The following CSMD1 variants were observed in gnomAD, a reference collection of about 807,000 sequenced individuals.
CSMD1 encodes the protein CUB and sushi domain-containing protein 1.
In CSMD1, 213 loss-of-function variants were observed where a neutral mutation model predicts 417.5. The observed-to-expected ratio is 0.51, with a 90% CI of 0.46 to 0.57. The LOEUF is 0.57. Among genes scored for constraint, CSMD1 ranks in the 20% least tolerant of loss-of-function variants. CSMD1 has a pLI of 0.00. For missense variants in CSMD1, 6,923 were observed against 4,529.7 expected (o/e 1.53, Z -15.17); for synonymous variants, 2,862 against 1,736.8 (o/e 1.65, Z -16.11).
intron 3 of CSMD1, among the ~76,000 whole-genome samples, chr8:4,149,510 A>C (rs892412338): frequency 2.6e-5 from 4 of 152,208 alleles, no homozygotes; most frequent in African/African-American, 9.6e-5. Context: ...GACTGTAAAT[A>C]CTCAGGGAAC....
intron 1 of CSMD1, among the ~76,000 whole-genome samples, chr8:4,759,630 G>T (rs1811904462): frequency 6.6e-6 from 1 of 151,958 alleles, no homozygotes; most frequent in African/African-American, 2.4e-5. Context: ...TGTTCTCATT[G>T]CTCAACTCCC....
chr8:3,743,132 G>T (rs1306859063), intron 6 of CSMD1, among the ~76,000 whole-genome samples: 2 of 152,148 alleles, frequency 1.3e-5, no homozygotes, highest in Non-Finnish European at 1.5e-5. Flanking sequence ...CTTGCTCAGT[G>T]TCATGAAGGT....
At chr8:4,561,397 T>C (rs189319642) in intron 2 of CSMD1, among the ~76,000 whole-genome samples, 4 of 152,086 alleles carry the variant, frequency 2.6e-5, no homozygotes, top group Admixed American at 2.6e-4. Context: ...ACAAAAAAAA[T>C]TCTGGCCAGG....
At chr8:3,660,717 C>T (rs1798372112) in intron 7 of CSMD1, among the ~76,000 whole-genome samples, 1 of 141,430 alleles carries the variant, frequency 7.1e-6, no homozygotes, top group Non-Finnish European at 1.5e-5. Context: ...GACAGGGTTT[C>T]ACCATGTTGG....
At chr8:4,575,592 C>A (rs1246660082) in intron 2 of CSMD1, among the ~76,000 whole-genome samples, 2 of 152,208 alleles carry the variant, frequency 1.3e-5, no homozygotes, top group Non-Finnish European at 2.9e-5. Context: ...ACTGTGAATT[C>A]ATTATGATAT....
chr8:3,523,169 G>T (rs781241014), intron 10 of CSMD1, among the ~76,000 whole-genome samples: 60 of 152,202 alleles, frequency 3.9e-4, no homozygotes, highest in Non-Finnish European at 4.3e-4. Flanking sequence ...CAAAGTAGAT[G>T]CTGGGCTACT....
chr8:4,931,294 T>C (rs1807228582), intron 1 of CSMD1, among the ~76,000 whole-genome samples: 2 of 152,196 alleles, frequency 1.3e-5, no homozygotes, highest in South Asian at 4.1e-4. Flanking sequence ...CTCCTTCTGA[T>C]CAGGACATAG....
chr8:4,722,852 T>G (rs1809150148), intron 1 of CSMD1, among the ~76,000 whole-genome samples: 2 of 152,104 alleles, frequency 1.3e-5, no homozygotes, highest in Non-Finnish European at 2.9e-5. Flanking sequence ...TGACACTGCT[T>G]TAGATATCTC....
intron 1 of CSMD1, among the ~76,000 whole-genome samples, chr8:4,928,788 G>A (rs1400847023): frequency 6.6e-6 from 1 of 151,964 alleles, no homozygotes; most frequent in Non-Finnish European, 1.5e-5. Flanking sequence ...TTAAAATGAG[G>A]CCCTTAGGTG....
At chr8:4,362,359 C>G (rs868577175) in intron 3 of CSMD1, among the ~76,000 whole-genome samples, 1 of 152,012 alleles carries the variant, frequency 6.6e-6, no homozygotes, top group Non-Finnish European at 1.5e-5. Context: ...TCTGTCTGCC[C>G]CCTGCACTCA....
chr8:4,290,262 G>C (rs1040682251), intron 3 of CSMD1, among the ~76,000 whole-genome samples: 5 of 152,192 alleles, frequency 3.3e-5, no homozygotes, highest in Admixed American at 6.5e-5. Context: ...GGTGATGTTT[G>C]TTAGAAGAAA....
At chr8:4,423,482 A>G (rs1004640939) in intron 2 of CSMD1, among the ~76,000 whole-genome samples, 1 of 152,122 alleles carries the variant, frequency 6.6e-6, no homozygotes, top group Non-Finnish European at 1.5e-5. Context: ...GCTTCTGTAT[A>G]AATACAATAA....
At chr8:3,707,188 G>C (rs1448893022) in intron 7 of CSMD1, among the ~76,000 whole-genome samples, 3 of 152,126 alleles carry the variant, frequency 2.0e-5, no homozygotes, top group Admixed American at 2.0e-4. Flanking sequence ...TAAAGATGTA[G>C]GTCAATCTAT....
chr8:4,398,448 C>T (rs1327920585), intron 3 of CSMD1, among the ~76,000 whole-genome samples: 1 of 138,858 alleles, frequency 7.2e-6, no homozygotes, highest in African/African-American at 2.7e-5. Context: ...GGCTGGAGCG[C>T]AGTGGTGCGA....
intron 1 of CSMD1, among the ~76,000 whole-genome samples, chr8:4,892,591 T>C (rs545047635): frequency 6.6e-6 from 1 of 152,222 alleles, no homozygotes; most frequent in South Asian, 2.1e-4. Context: ...TACAGAAATA[T>C]ATACAGAAAA....
intron 3 of CSMD1, among the ~76,000 whole-genome samples, chr8:4,199,603 C>T (rs1391452519): frequency 1.3e-5 from 2 of 152,186 alleles, no homozygotes; most frequent in African/African-American, 4.8e-5. Flanking sequence ...TTTGATTCCT[C>T]CTCAACGCCT....
At chr8:3,068,676 A>C (rs1005911265) in intron 49 of CSMD1, among the ~76,000 whole-genome samples, 3 of 152,168 alleles carry the variant, frequency 2.0e-5, no homozygotes, top group African/African-American at 7.2e-5. Context: ...CAGGCTTCTC[A>C]CACGGCCAGA....
rs577114294 is a variant in CSMD1, at chr8:4,775,444, G to C, written c.86-137886C>G. On this transcript the variant is annotated intron_variant, in intron 1 of 69. Transcript: ENST00000635120. ...AAAACAGAATCTAAATAAAGTCTGTGCTTATTGACTTCAATTAGAAATTAA... is the reference window on the plus strand; with the variant it reads ...AAAACAGAATCTAAATAAAGTCTGTCCTTATTGACTTCAATTAGAAATTAA... Among the ~76,000 whole-genome samples the C allele has an allele frequency of 3.3e-5, 5 of 152,214 alleles. No individual in the cohort carries two copies. In the South Asian group the frequency reaches 6.2e-4, roughly 19 times the overall value.
At chr8:3,637,783 T>C (rs1389061689) in intron 7 of CSMD1, among the ~76,000 whole-genome samples, 3 of 152,148 alleles carry the variant, frequency 2.0e-5, no homozygotes, top group Non-Finnish European at 1.5e-5. Flanking sequence ...AATTCCCACA[T>C]CTTGGGAGGG....
Sources: gnomAD v4.1 joint callset for allele counts (sites outside exome capture counted in the v4.1 genomes callset) on GRCh38, gnomAD v4.1.1 for gene constraint, MANE v1.5 for transcripts, NCBI Gene and HGNC (gene_info 2026-07-23, HGNC 2026-07-21) for gene names.